CNTN4: variants seen among roughly 807,000 people sequenced by gnomAD.
CNTN4 encodes the protein contactin-4.
CNTN4 carries 77 observed loss-of-function variants against 122.5 expected under a neutral mutation model. That is an observed-to-expected ratio of 0.63 (90% CI 0.52 to 0.76). The LOEUF (loss-of-function observed/expected upper bound fraction) is 0.76. CNTN4 is among the 30% of genes least tolerant of loss of function. The pLI, the probability that CNTN4 is intolerant of heterozygous loss-of-function variation, is 0.00. For synonymous variants in CNTN4, 512 were observed against 447.0 expected, an observed-to-expected ratio of 1.15 and a Z score of -1.83; for missense variants, 1,256 against 1,259.1, an observed-to-expected ratio of 1.00 and a Z score of 0.04.
At chr3:2,616,211 G>A (rs768895049) in intron 4 of CNTN4, among the ~76,000 whole-genome samples, 4 of 144,822 alleles carry the variant, frequency 2.8e-5, no homozygotes, top group Non-Finnish European at 6.0e-5. Flanking sequence ...TGTTCTCATT[G>A]TTCAACTCCC....
chr3:2,917,291 C>T (rs957992789), intron 12 of CNTN4, among the ~76,000 whole-genome samples: 19 of 149,362 alleles, frequency 1.3e-4, no homozygotes, highest in African/African-American at 3.8e-4. Context: ...CCGTGGAAAG[C>T]GGGAGGCGGA....
chr3:2,247,474 T>C (rs1442384945), intron 2 of CNTN4, among the ~76,000 whole-genome samples: 1 of 152,028 alleles, frequency 6.6e-6, no homozygotes, highest in Non-Finnish European at 1.5e-5. Context: ...TTGATGATGA[T>C]GATGACAGAT....
intron 2 of CNTN4, among the ~76,000 whole-genome samples, chr3:2,248,841 G>A (rs2040255710): frequency 6.6e-6 from 1 of 151,984 alleles, no homozygotes; most frequent in African/African-American, 2.4e-5. Flanking sequence ...TGTGGGCTTG[G>A]TGTAATGAAA....
intron 5 of CNTN4, among the ~76,000 whole-genome samples, chr3:2,736,683 G>A (rs948944353): frequency 6.6e-6 from 1 of 151,766 alleles, no homozygotes; most frequent in East Asian, 1.9e-4. Flanking sequence ...GGCTGGTCTT[G>A]AACTCCCAAC....
intron 23 of CNTN4, among the ~76,000 whole-genome samples, chr3:3,053,476 T>A (rs1404539573): frequency 6.6e-6 from 1 of 152,272 alleles, no homozygotes; most frequent in African/African-American, 2.4e-5. Flanking sequence ...AAAGCACCGA[T>A]GTGTAACTGA....
chr3:2,977,693 G>C (rs1693557220), intron 13 of CNTN4, among the ~76,000 whole-genome samples: 1 of 152,130 alleles, frequency 6.6e-6, no homozygotes, highest in South Asian at 2.1e-4. Context: ...TTCAAACAAG[G>C]TCTAACAGCC....
At chr3:2,132,623 T>A (rs1016356019) in intron 2 of CNTN4, among the ~76,000 whole-genome samples, 2 of 152,176 alleles carry the variant, frequency 1.3e-5, no homozygotes, top group African/African-American at 4.8e-5. Flanking sequence ...TGGACAGGGA[T>A]GGAGAGTGTT....
At position 2,709,149 on chromosome 3, in the gene CNTN4, G is replaced by A. The variant is rs980448517; in HGVS notation, c.56-27066G>A. Among the ~76,000 whole-genome samples the A allele has an allele frequency of 1.3e-5, 2 of 152,108 alleles. No individual in the cohort carries two copies. Among genetic ancestry groups the A allele is most frequent in the South Asian group, 4.1e-4 (2 of 4,820 alleles). On this transcript the variant is annotated intron_variant, in intron 4 of 24. Coordinates refer to ENST00000418658, the MANE Select transcript of CNTN4 (RefSeq NM_175607.3). The surrounding 1 kb of genome is among the most constrained non-coding windows in gnomAD (Gnocchi z 5.0). ...TACAAATGAAGCCTTACCATTTGAT[G>A]AAAATCCAGCAAAAATGCATATTGC...
chr3:2,128,823 A>G (rs1254380167), intron 2 of CNTN4, among the ~76,000 whole-genome samples: 1 of 152,224 alleles, frequency 6.6e-6, no homozygotes, highest in Non-Finnish European at 1.5e-5. Flanking sequence ...GAGCCAACTG[A>G]ATGAAATGAT....
chr3:2,360,815 A>G (rs771244423), intron 3 of CNTN4, among the ~76,000 whole-genome samples: 2 of 152,178 alleles, frequency 1.3e-5, no homozygotes, highest in Admixed American at 6.5e-5. Flanking sequence ...CTCTCCCATG[A>G]CACATGGGGA....
intron 2 of CNTN4, among the ~76,000 whole-genome samples, chr3:2,329,253 G>T (rs1050851572): frequency 6.6e-6 from 1 of 152,048 alleles, no homozygotes; most frequent in Non-Finnish European, 1.5e-5. Context: ...TATATTTCAT[G>T]GCTGAAATTG....
chr3:2,282,680 C>A (rs970431188), intron 2 of CNTN4, among the ~76,000 whole-genome samples: 1 of 152,084 alleles, frequency 6.6e-6, no homozygotes, highest in East Asian at 1.9e-4. Context: ...CATACGTTTA[C>A]ACAAAATCAT....
rs114300967 is a variant in CNTN4, at chr3:3,053,314, C to G, written c.2812-493C>G. On this transcript the variant is annotated intron_variant, in intron 23 of 24. Coordinates refer to ENST00000418658, the MANE Select transcript of CNTN4 (RefSeq NM_175607.3). Reference sequence around the variant, plus strand: ...CCTCCCAAAGTGCTGACACTATAGGCATGGGCCACTGCACCCAGCCTCCTT... The same window carrying G: ...CCTCCCAAAGTGCTGACACTATAGGGATGGGCCACTGCACCCAGCCTCCTT... Among the ~76,000 whole-genome samples, 738 of 152,336 alleles carry G rather than the reference C, an allele frequency of 4.8e-3. 5 individuals are homozygous for G. Among genetic ancestry groups the G allele is most frequent in the African/African-American group, 0.017 (697 of 41,582 alleles).
intron 3 of CNTN4, among the ~76,000 whole-genome samples, chr3:2,361,255 C>G (rs911698324): frequency 6.7e-6 from 1 of 149,584 alleles, no homozygotes; most frequent in African/African-American, 2.5e-5. Context: ...ACTCACTGAG[C>G]ACAAGGAATA....
intron 7 of CNTN4, among the ~76,000 whole-genome samples, chr3:2,857,768 A>T (rs13075918): frequency 0.021 from 3,220 of 152,196 alleles, 57 homozygotes; most frequent in Non-Finnish European, 0.03. Flanking sequence ...TTATTTTTGT[A>T]GAGATGTGGT....
chr3:2,690,822 G>A (rs2085696126), intron 4 of CNTN4, among the ~76,000 whole-genome samples: 1 of 152,144 alleles, frequency 6.6e-6, no homozygotes, highest in Non-Finnish European at 1.5e-5. Flanking sequence ...AAGTTTTATT[G>A]CAACACAGCC....
chr3:3,046,322 A>C (rs1021404541), intron 23 of CNTN4, among the ~76,000 whole-genome samples: 1 of 152,148 alleles, frequency 6.6e-6, no homozygotes, highest in Non-Finnish European at 1.5e-5. Flanking sequence ...AAGACACATA[A>C]TTGTCAGATT....
intron 3 of CNTN4, among the ~76,000 whole-genome samples, chr3:2,519,445 G>A (rs1485516797): frequency 6.6e-6 from 1 of 152,210 alleles, no homozygotes; most frequent in Admixed American, 6.5e-5. Context: ...CTTGTAGTCT[G>A]TCTAGGGATA....
chr3:2,398,451 C>T (rs2046719217), intron 3 of CNTN4, among the ~76,000 whole-genome samples: 1 of 151,930 alleles, frequency 6.6e-6, no homozygotes, highest in Admixed American at 6.6e-5. Context: ...ATACTATTGA[C>T]CAACAGCTAC....
Sources: allele counts gnomAD v4.1 joint callset (sites outside exome capture counted in the v4.1 genomes callset), GRCh38; gene constraint gnomAD v4.1.1; non-coding constraint Gnocchi (gnomAD v3.1); transcripts MANE v1.5; gene names NCBI Gene and HGNC (gene_info 2026-07-23, HGNC 2026-07-21).